The following GNS variants were observed in gnomAD, a reference collection of about 807,000 sequenced individuals.
The protein encoded by GNS is N-acetylglucosamine-6-sulfatase.
GNS carries 40 observed loss-of-function variants against 69.7 expected under a neutral mutation model. That is an observed-to-expected ratio of 0.57 (90% CI 0.45 to 0.75). The LOEUF is 0.75. GNS is among the 30% of genes least tolerant of loss of function. The probability of loss-of-function intolerance (pLI) is 0.00; values close to 1 mark genes in which losing one functional copy is unlikely to be tolerated. For synonymous variants in GNS, 243 were observed against 251.6 expected, an observed-to-expected ratio of 0.97 and a Z score of 0.32; for missense variants, 565 against 685.5, an observed-to-expected ratio of 0.82 and a Z score of 1.96.
At chr12:64,757,723 C>G (rs1870302575) in intron 1 of GNS, among the ~76,000 whole-genome samples, 1 of 152,208 alleles carries the variant, frequency 6.6e-6, no homozygotes, top group African/African-American at 2.4e-5. Context: ...CACACACACT[C>G]ACACACATGG....
chr12:64,759,242 C>G lies in GNS; in HGVS notation c.35G>C (p.Arg12Pro). The change falls in exon 1 of 14, where the codon CGG becomes CCG. Residue 12 changes from arginine to proline, a missense_variant. Transcript: ENST00000258145. The part of the protein sequence containing the change: ...RLLPLAPGRL[R>P]RGSPRHLPSC... The stretch of plus-strand genomic sequence containing the variant: ...GGGCAGGTGGCGGGGGCTGCCCCGC[C>G]GGAGCCGACCTGGGGCTAGAGGCAG... 1.3e-6 allele frequency: 2 copies of G among 1,542,282 alleles called. No individual in the cohort carries two copies. Among genetic ancestry groups the G allele is most frequent in the African/African-American group, 1.4e-5 (1 of 72,786 alleles).
intron 13 of GNS, 64 bp downstream of exon 13, chr12:64,719,958 C>T (rs1565880321): frequency 2.7e-6 from 3 of 1,114,830 alleles, no homozygotes; most frequent in Non-Finnish European, 4.1e-6. Context: ...CTCCCTTTGC[C>T]TTCAAGAACA....
chr12:64,739,765 T>C (rs1166638779), intron 7 of GNS, among the ~76,000 whole-genome samples: 3 of 152,168 alleles, frequency 2.0e-5, no homozygotes, highest in Non-Finnish European at 2.9e-5. Flanking sequence ...CCAAAGTTAA[T>C]TGTTTCCAAA....
At chr12:64,737,760 T>A (rs956967750) in intron 8 of GNS, among the ~76,000 whole-genome samples, 9 of 152,174 alleles carry the variant, frequency 5.9e-5, no homozygotes, top group Non-Finnish European at 1.3e-4. Context: ...CAACAGGAAG[T>A]ACACAGCAGC....
chr12:64,742,255 C>T (rs1047210994), intron 6 of GNS, among the ~76,000 whole-genome samples: 2 of 152,226 alleles, frequency 1.3e-5, no homozygotes, highest in South Asian at 2.1e-4. Context: ...CTCCTGACCT[C>T]GTGATTCGCC....
At chr12:64,757,158 G>T (rs1458309246) in intron 1 of GNS, among the ~76,000 whole-genome samples, 1 of 152,134 alleles carries the variant, frequency 6.6e-6, no homozygotes, top group Non-Finnish European at 1.5e-5. Flanking sequence ...CAGCCTGGAT[G>T]ACAGAGCAAG....
chr12:64,738,644 C>T (rs2136245114), intron 8 of GNS, among the ~76,000 whole-genome samples: 1 of 152,084 alleles, frequency 6.6e-6, no homozygotes, highest in African/African-American at 2.4e-5. Flanking sequence ...AAAAACCCAT[C>T]TCTACTAAAA....
intron 9 of GNS, among the ~76,000 whole-genome samples, chr12:64,732,407 A>T (rs1869430891): frequency 6.6e-6 from 1 of 150,480 alleles, no homozygotes; most frequent in Non-Finnish European, 1.5e-5. Flanking sequence ...TGACCTCGTG[A>T]TCCGCCTGAC....
chr12:64,755,404 C>T (rs1190318699), intron 1 of GNS, among the ~76,000 whole-genome samples: 2 of 151,742 alleles, frequency 1.3e-5, no homozygotes, highest in African/African-American at 4.8e-5. Context: ...ATGGTGAAAT[C>T]CCGTCTCTAC....
intron 9 of GNS, 137 bp downstream of exon 9, chr12:64,736,864 CATT>C: frequency 3.0e-6 from 2 of 658,278 alleles, no homozygotes; most frequent in East Asian, 2.7e-5. Flanking sequence ...AAAAAGCAAT[CATT>C]GTTTCCACTT....
At chr12:64,732,216 G>T (rs1418907147) in intron 9 of GNS, among the ~76,000 whole-genome samples, 4 of 132,606 alleles carry the variant, frequency 3.0e-5, no homozygotes, top group Admixed American at 2.6e-4. Flanking sequence ...CACCCAGGCT[G>T]GAGTACAGTA....
At chr12:64,720,541 C>T (rs1025078619) in intron 12 of GNS, among the ~76,000 whole-genome samples, 1 of 152,198 alleles carries the variant, frequency 6.6e-6, no homozygotes, top group African/African-American at 2.4e-5. Flanking sequence ...GTCTCAGAAA[C>T]AAGACTTGGC....
intron 10 of GNS, among the ~76,000 whole-genome samples, chr12:64,726,332 GAAAA>G (rs991993218): frequency 7.2e-6 from 1 of 139,660 alleles, no homozygotes. Context: ...TATCTATAGA[GAAAA>G]AAAAAAAGAA....
Position 64,759,184 on chromosome 12 carries a change from C to G in GNS, c.93G>C (p.Leu31=). ...CCCCGAAGACCCCCAGGCAGCCGCC[C>G]AGCACCAGCAGTAGCAGCGCTGGGC... ...SCSPALLLLV[L]GGCLGVFGVA... is the part of the protein sequence containing the mutation. Residue 31 remains leucine (L), a synonymous_variant, in exon 1 of 14, where the codon CTG becomes CTC. Coordinates refer to ENST00000258145, the MANE Select transcript of GNS (RefSeq NM_002076.4). 1.3e-6 allele frequency: 2 copies of G among 1,550,222 alleles called. No individual in the cohort carries two copies. The highest frequency in any genetic ancestry group is 1.7e-6 in the Non-Finnish European group (2 of 1,147,254).
chr12:64,723,178 TTGAC>T, intron 10 of GNS, 65 bp from the exon 11 acceptor site: 2 of 1,012,034 alleles, frequency 2.0e-6, no homozygotes, highest in Non-Finnish European at 3.2e-6. Context: ...CACAAAGTAA[TTGAC>T]TGCTAAAGGG....
intron 10 of GNS, among the ~76,000 whole-genome samples, chr12:64,724,215 A>G (rs1869121868): frequency 6.6e-6 from 1 of 152,184 alleles, no homozygotes; most frequent in Non-Finnish European, 1.5e-5. Context: ...CTGCTCTAAA[A>G]AAGTGGTTCT....
At chr12:64,730,673 C>A (rs959193464) in intron 9 of GNS, among the ~76,000 whole-genome samples, 6 of 152,124 alleles carry the variant, frequency 3.9e-5, no homozygotes, top group African/African-American at 1.4e-4. Context: ...AGGGATGATA[C>A]AAGACCCACT....
chr12:64,718,034 G>C (rs1868919960), intron 13 of GNS, among the ~76,000 whole-genome samples: 1 of 152,168 alleles, frequency 6.6e-6, no homozygotes. Context: ...CTTTGCTGCT[G>C]AAGCACACAA....
At chr12:64,752,510 G>T (rs1870110849) in intron 2 of GNS, among the ~76,000 whole-genome samples, 188 bp downstream of exon 2, 1 of 152,042 alleles carries the variant, frequency 6.6e-6, no homozygotes, top group Non-Finnish European at 1.5e-5. Context: ...AGAAATATCT[G>T]CAATTAATCT....
Sources: allele counts gnomAD v4.1 joint callset (sites outside exome capture counted in the v4.1 genomes callset), GRCh38; gene constraint gnomAD v4.1.1; transcripts MANE v1.5; gene names NCBI Gene and HGNC (gene_info 2026-07-23, HGNC 2026-07-21).